Variants in GPC6 observed in about 807,000 individuals in gnomAD.
The protein encoded by GPC6 is glypican-6.
Under a neutral mutation model 55.2 loss-of-function variants are expected in GPC6, and 14 were observed. The ratio of observed to expected loss-of-function variants is 0.25; its 90% CI spans 0.17 to 0.40. The LOEUF (loss-of-function observed/expected upper bound fraction) is 0.40. Among genes scored for constraint, GPC6 ranks in the 10% least tolerant of loss-of-function variants. GPC6 has a pLI of 1.00. For synonymous variants in GPC6, 278 were observed against 259.6 expected, an observed-to-expected ratio of 1.07 and a Z score of -0.68; for missense variants, 641 against 708.5, an observed-to-expected ratio of 0.90 and a Z score of 1.08.
intron 2 of GPC6, among the ~76,000 whole-genome samples, chr13:93,681,511 T>G (rs1177338665): frequency 2.0e-5 from 3 of 152,138 alleles, no homozygotes; most frequent in Non-Finnish European, 4.4e-5. Context: ...TATACAGAAA[T>G]CAATTTGGAT....
intron 1 of GPC6, among the ~76,000 whole-genome samples, chr13:93,539,310 C>T (rs1158306531): frequency 6.6e-6 from 1 of 152,118 alleles, no homozygotes; most frequent in Non-Finnish European, 1.5e-5. Flanking sequence ...GGAAGAATTT[C>T]ACAACTCGCA....
chr13:94,171,033 C>G (rs1011775567), intron 4 of GPC6, among the ~76,000 whole-genome samples: 6 of 152,118 alleles, frequency 3.9e-5, no homozygotes, highest in Admixed American at 2.0e-4. Flanking sequence ...ATAAGTGTGC[C>G]TTTTTAATTT....
intron 6 of GPC6, among the ~76,000 whole-genome samples, chr13:94,336,437 T>C (rs755177462): frequency 1.3e-5 from 2 of 152,194 alleles, no homozygotes; most frequent in Non-Finnish European, 2.9e-5. Flanking sequence ...GGCAATAATT[T>C]TAAAGCCCCG....
chr13:93,497,846 A>G (rs1880365105), intron 1 of GPC6, among the ~76,000 whole-genome samples: 1 of 152,224 alleles, frequency 6.6e-6, no homozygotes, highest in Admixed American at 6.5e-5. Context: ...TTAGAGTTCC[A>G]GAGAGCCAGG....
chr13:93,531,465 C>G (rs139498115), intron 1 of GPC6, among the ~76,000 whole-genome samples: 5 of 151,952 alleles, frequency 3.3e-5, no homozygotes, highest in Admixed American at 6.6e-5. Flanking sequence ...TCAGTTTTTG[C>G]GTATAAAACC....
At chr13:93,764,635 T>C (rs1885057530) in intron 2 of GPC6, among the ~76,000 whole-genome samples, 1 of 151,460 alleles carries the variant, frequency 6.6e-6, no homozygotes, top group South Asian at 2.1e-4. Flanking sequence ...AAAGGCCACC[T>C]ATAACCATAT....
chr13:93,342,707 A>G (rs1880301420), intron 1 of GPC6, among the ~76,000 whole-genome samples: 1 of 152,172 alleles, frequency 6.6e-6, no homozygotes, highest in African/African-American at 2.4e-5. Flanking sequence ...TGGATTTGAG[A>G]TACGTGTTGG....
intron 1 of GPC6, among the ~76,000 whole-genome samples, chr13:93,366,966 G>A (rs1029011582): frequency 6.6e-6 from 1 of 152,030 alleles, no homozygotes; most frequent in African/African-American, 2.4e-5. Context: ...AATATTGACT[G>A]TCTTAGAGAT....
intron 4 of GPC6, among the ~76,000 whole-genome samples, chr13:94,283,327 T>C (rs1449331414): frequency 6.6e-6 from 1 of 152,252 alleles, no homozygotes; most frequent in African/African-American, 2.4e-5. Flanking sequence ...TAATCTCCAT[T>C]GCATAGATTA....
intron 1 of GPC6, among the ~76,000 whole-genome samples, chr13:93,374,642 T>A (rs1874810978): frequency 6.6e-6 from 1 of 152,220 alleles, no homozygotes; most frequent in Non-Finnish European, 1.5e-5. Context: ...AATAATTCTA[T>A]GTCTTTCAAA....
intron 1 of GPC6, among the ~76,000 whole-genome samples, chr13:93,494,092 C>G (rs1162968092): frequency 1.7e-5 from 2 of 120,922 alleles, no homozygotes; most frequent in South Asian, 2.9e-4. Context: ...GACTTTCTGT[C>G]TCGTTGATCT....
At chr13:94,123,396 A>AAT (rs1886702137) in intron 4 of GPC6, among the ~76,000 whole-genome samples, 1 of 152,060 alleles carries the variant, frequency 6.6e-6, no homozygotes, top group South Asian at 2.1e-4. Flanking sequence ...TAATCATGTT[A>AAT]ATATATATTT....
intron 3 of GPC6, among the ~76,000 whole-genome samples, chr13:93,925,230 G>C (rs1295879518): frequency 1.3e-5 from 2 of 152,088 alleles, no homozygotes; most frequent in Non-Finnish European, 2.9e-5. Context: ...CAGTGGAGCA[G>C]AAATTCAAAT....
chr13:94,296,690 G>A (rs895842229), intron 5 of GPC6, among the ~76,000 whole-genome samples: 2 of 152,092 alleles, frequency 1.3e-5, no homozygotes, highest in African/African-American at 4.8e-5. Flanking sequence ...CATCTGTGGG[G>A]GAAACATGCT....
intron 4 of GPC6, among the ~76,000 whole-genome samples, chr13:94,222,532 G>T (rs1303575394): frequency 1.3e-5 from 2 of 151,970 alleles, no homozygotes; most frequent in African/African-American, 4.8e-5. Flanking sequence ...TTCCTTACCT[G>T]CATTGATGAC....
chr13:94,061,141 T>C (rs17791653), intron 4 of GPC6, among the ~76,000 whole-genome samples: 13,229 of 152,310 alleles, frequency 0.087, 776 homozygotes, highest in Middle Eastern at 0.14. Context: ...AGGTGGGTTG[T>C]AAAATAAATG....
intron 4 of GPC6, among the ~76,000 whole-genome samples, chr13:94,189,935 C>T (rs769849063): frequency 6.4e-4 from 94 of 146,664 alleles, no homozygotes; most frequent in Non-Finnish European, 1.1e-3. Context: ...GCAGGAGAAT[C>T]GCTTGAAACT....
At chr13:94,072,793 C>A (rs1402355261) in intron 4 of GPC6, among the ~76,000 whole-genome samples, 2 of 152,178 alleles carry the variant, frequency 1.3e-5, no homozygotes, top group South Asian at 2.1e-4. Context: ...AATGACAGGG[C>A]AAAGTGGCAT....
intron 1 of GPC6, among the ~76,000 whole-genome samples, chr13:93,346,584 C>A (rs1393866953): frequency 2.0e-5 from 3 of 152,136 alleles, no homozygotes; most frequent in Non-Finnish European, 4.4e-5. Flanking sequence ...GTAGAAAGTG[C>A]ATCTCTGTTG....
Sources: gnomAD v4.1 joint callset for allele counts (sites outside exome capture counted in the v4.1 genomes callset) on GRCh38, gnomAD v4.1.1 for gene constraint, MANE v1.5 for transcripts, NCBI Gene and HGNC (gene_info 2026-07-23, HGNC 2026-07-21) for gene names.